HAO1: variants seen among roughly 807,000 people sequenced by gnomAD.
HAO1 encodes hydroxyacid oxidase 1, also known as 2-Hydroxyacid oxidase 1.
In HAO1, 34 loss-of-function variants were observed where a neutral mutation model predicts 39.7. The ratio of observed to expected loss-of-function variants is 0.86; its 90% CI spans 0.65 to 1.14. The LOEUF (loss-of-function observed/expected upper bound fraction) is 1.14. Among genes scored for constraint, HAO1 ranks in the 50% most tolerant of loss-of-function variants. The pLI is 0.00. For synonymous variants in HAO1, 172 were observed against 173.2 expected (o/e 0.99, Z 0.05); for missense variants, 479 against 464.5 (o/e 1.03, Z -0.29).
chr20:7,914,918 AGACCAG>A (rs2050299642), intron 2 of HAO1, among the ~76,000 whole-genome samples: 1 of 152,298 alleles, frequency 6.6e-6, no homozygotes, highest in East Asian at 1.9e-4. Flanking sequence ...CAGGAGTTCG[AGACCAG>A]CCTGACCAAC....
At chr20:7,918,843 C>G (rs1229262449) in intron 2 of HAO1, among the ~76,000 whole-genome samples, 1 of 152,192 alleles carries the variant, frequency 6.6e-6, no homozygotes, top group Admixed American at 6.5e-5. Context: ...TATCGTTATC[C>G]TAGCCTATGG....
At chr20:7,891,661 T>A (rs919326742) in intron 5 of HAO1, among the ~76,000 whole-genome samples, 1 of 152,182 alleles carries the variant, frequency 6.6e-6, no homozygotes, top group African/African-American at 2.4e-5. Flanking sequence ...CTTACAGAAT[T>A]TTTATAGCTT....
At chr20:7,894,367 G>T (rs955432581) in intron 5 of HAO1, among the ~76,000 whole-genome samples, 1 of 152,112 alleles carries the variant, frequency 6.6e-6, no homozygotes, top group Non-Finnish European at 1.5e-5. Flanking sequence ...TTTACATCTA[G>T]ATTTTGGACT....
At position 7,906,362 on chromosome 20, in the gene HAO1, G is replaced by T. The variant is rs764617706; in HGVS notation, c.546-33C>A. 9 of 1,305,096 alleles carry T rather than the reference G, an allele frequency of 6.9e-6. No individual in the cohort carries two copies. In the South Asian group the frequency reaches 1.1e-4, roughly 16 times the overall value. 80.8% of individuals were successfully genotyped at this position (1,305,096 alleles called of 1,614,324 possible). A position where few individuals can be genotyped will look rare whatever the true frequency, so the allele number is the denominator to read the frequency against. Reference sequence around the variant, plus strand: ...AAGAAATGCATAAAATGAGAAATTTGCCAAATTAGAAATACGTTTCCAATG... The same window carrying T: ...AAGAAATGCATAAAATGAGAAATTTTCCAAATTAGAAATACGTTTCCAATG... On this transcript the variant is annotated intron_variant, in intron 3 of 7. Transcript: ENST00000378789.
At chr20:7,921,689 G>C (rs2050333774) in intron 2 of HAO1, among the ~76,000 whole-genome samples, 1 of 152,094 alleles carries the variant, frequency 6.6e-6, no homozygotes, top group Non-Finnish European at 1.5e-5. Context: ...CAATAGCAAA[G>C]ACATGGAATC....
intron 1 of HAO1, 31 bp from the exon 2 acceptor site, chr20:7,934,666 G>C: frequency 7.1e-7 from 1 of 1,407,050 alleles, no homozygotes; most frequent in South Asian, 1.4e-5. Flanking sequence ...AAAATAAAAG[G>C]CTTTAGAGTT....
At chr20:7,921,059 C>CA (rs34357188) in intron 2 of HAO1, among the ~76,000 whole-genome samples, 29,278 of 143,494 alleles carry the variant, frequency 0.2, 3,094 homozygotes, top group African/African-American at 0.3. Flanking sequence ...TGCTAATATC[C>CA]AAAAAAAAAA....
At chr20:7,917,703 G>A (rs892722842) in intron 2 of HAO1, among the ~76,000 whole-genome samples, 16 of 152,122 alleles carry the variant, frequency 1.1e-4, no homozygotes, top group African/African-American at 3.9e-4. Flanking sequence ...GCATGTTTTT[G>A]TAGTTAATAC....
chr20:7,914,414 G>C lies in HAO1; in HGVS notation c.295C>G (p.Gln99Glu). The stretch of plus-strand genomic sequence containing the variant: ...AACATCATGCCCGTTCCCAGGGACT[G>C]ACAGGCTGAGAAAGAAAGGGGATGA... Reference protein sequence around the residue: ...DGELATVRACQSLGTGMMLSS... With the variant: ...DGELATVRACESLGTGMMLSS... Residue 99 changes from glutamine (Q) to glutamate (E), a missense_variant, in exon 3 of 8, where the codon CAG (glutamine) becomes GAG (glutamate). Transcript: ENST00000378789. The C allele has an allele frequency of 6.2e-7, 1 of 1,612,996 alleles. No homozygotes were observed. The highest frequency in any genetic ancestry group is 8.5e-7 in the Non-Finnish European group (1 of 1,179,368).
At chr20:7,908,232 A>C (rs1037950601) in intron 3 of HAO1, among the ~76,000 whole-genome samples, 1 of 152,012 alleles carries the variant, frequency 6.6e-6, no homozygotes, top group African/African-American at 2.4e-5. Context: ...TCTACTAAAA[A>C]TTCAAAAAAA....
At chr20:7,885,459 C>A (rs1438802094) in intron 7 of HAO1, 62 bp downstream of exon 7, 1 of 1,072,054 alleles carries the variant, frequency 9.3e-7, no homozygotes. Flanking sequence ...CTTCTCTCCA[C>A]CAAGGACCTT....
intron 4 of HAO1, among the ~76,000 whole-genome samples, chr20:7,903,348 G>A (rs117455339): frequency 0.013 from 2,001 of 150,042 alleles, 25 homozygotes; most frequent in Non-Finnish European, 0.019. Context: ...TCATCAAGAA[G>A]TTCAGTAAAT....
intron 2 of HAO1, among the ~76,000 whole-genome samples, chr20:7,929,143 A>G (rs916933663): frequency 1.3e-5 from 2 of 152,154 alleles, no homozygotes; most frequent in Non-Finnish European, 2.9e-5. Context: ...CCTGGCTCCT[A>G]AAAGTACCTT....
At chr20:7,896,622 C>CA (rs2050199133) in intron 4 of HAO1, among the ~76,000 whole-genome samples, 1 of 152,178 alleles carries the variant, frequency 6.6e-6, no homozygotes, top group South Asian at 2.1e-4. Context: ...TATATCCTCT[C>CA]AAAATTTGTA....
chr20:7,937,523 C>T (rs1430230001), intron 1 of HAO1, among the ~76,000 whole-genome samples: 1 of 152,108 alleles, frequency 6.6e-6, no homozygotes, highest in Non-Finnish European at 1.5e-5. Flanking sequence ...TTTTACCCAT[C>T]TGTTATTTAA....
At chr20:7,933,429 T>C (rs2050395128) in intron 2 of HAO1, among the ~76,000 whole-genome samples, 1 of 152,082 alleles carries the variant, frequency 6.6e-6, no homozygotes, top group Non-Finnish European at 1.5e-5. Context: ...TATTTACCCA[T>C]TTAGTATTTC....
chr20:7,914,140 C>G (rs1342521288), intron 3 of HAO1, 24 bp downstream of exon 3: 1 of 1,611,868 alleles, frequency 6.2e-7, no homozygotes, highest in African/African-American at 1.3e-5. Flanking sequence ...CGCCTCAGCT[C>G]GGGGCCCACA....
Position 7,883,596 on chromosome 20 carries a change from G to A in HAO1, c.1110C>T (p.Ile370=). The change falls in exon 8 of 8, where the codon ATC becomes ATT. Residue 370 remains isoleucine (I), a synonymous_variant. Coordinates refer to ENST00000378789, the MANE Select transcript of HAO1 (RefSeq NM_017545.3). ...VRKNPLAVSK[I] ...GATGGGAAAATATTGTGCACTGTCA[G>A]ATCTTGGAAACGGCCAAAGGATTTT... 1 of 1,609,552 alleles carries A rather than the reference G, an allele frequency of 6.2e-7. No homozygotes were observed. Among genetic ancestry groups the A allele is most frequent in the Non-Finnish European group, 8.5e-7 (1 of 1,175,896 alleles).
chr20:7,932,650 A>G (rs956951953), intron 2 of HAO1, among the ~76,000 whole-genome samples: 1 of 152,086 alleles, frequency 6.6e-6, no homozygotes, highest in Non-Finnish European at 1.5e-5. Context: ...TTAAAATATC[A>G]TTCTACATTA....
Sources: allele counts gnomAD v4.1 joint callset (sites outside exome capture counted in the v4.1 genomes callset), GRCh38; gene constraint gnomAD v4.1.1; transcripts MANE v1.5; gene names NCBI Gene and HGNC (gene_info 2026-07-23, HGNC 2026-07-21).